The following EVI5 variants were observed in gnomAD, a reference collection of about 807,000 sequenced individuals.
EVI5 encodes the protein ecotropic viral integration site 5 protein homolog.
In EVI5, 73 loss-of-function variants were observed where a neutral mutation model predicts 112.0. The ratio of observed to expected loss-of-function variants is 0.65; its 90% confidence interval spans 0.54 to 0.79. The LOEUF (loss-of-function observed/expected upper bound fraction) is 0.79, where lower values mean the gene tolerates loss of function less well. Ranked by LOEUF, EVI5 falls within the 30% of genes least tolerant of loss-of-function variation. The pLI is 0.00. For missense variants in EVI5, 900 were observed against 968.8 expected, an observed-to-expected ratio of 0.93 and a Z score of 0.94; for synonymous variants, 305 against 319.9, an observed-to-expected ratio of 0.95 and a Z score of 0.50.
At chr1:92,523,743 A>G (rs1015628371) in intron 19 of EVI5, among the ~76,000 whole-genome samples, 1 of 152,074 alleles carries the variant, frequency 6.6e-6, no homozygotes, top group African/African-American at 2.4e-5. Flanking sequence ...TGTTAAGAGT[A>G]CCCTTCTGAC....
chr1:92,701,048 C>G (rs975714148), intron 5 of EVI5: 5 of 152,128 alleles, frequency 3.3e-5, no homozygotes, highest in Non-Finnish European at 7.4e-5. Context: ...GGGAGCACTT[C>G]TTATGTGTTC....
At chr1:92,525,799 T>A (rs192037100) in intron 19 of EVI5, among the ~76,000 whole-genome samples, 26 of 152,342 alleles carry the variant, frequency 1.7e-4, no homozygotes, top group African/African-American at 6.3e-4. Flanking sequence ...GGACCCAGGC[T>A]CTCATTAGAA....
At chr1:92,655,367 T>A (rs1662827165) in intron 13 of EVI5, among the ~76,000 whole-genome samples, 1 of 151,930 alleles carries the variant, frequency 6.6e-6, no homozygotes, top group Non-Finnish European at 1.5e-5. Flanking sequence ...CAACCATGAA[T>A]TTTTTATCCT....
intron 19 of EVI5, among the ~76,000 whole-genome samples, chr1:92,546,820 C>T (rs1665795955): frequency 6.6e-6 from 1 of 152,144 alleles, no homozygotes. Flanking sequence ...ACGTATCACC[C>T]AATACAGGAG....
intron 9 of EVI5, among the ~76,000 whole-genome samples, chr1:92,683,197 AT>A (rs1667894769): frequency 1.3e-5 from 2 of 151,162 alleles, no homozygotes; most frequent in African/African-American, 2.5e-5. Flanking sequence ...TAATTCAGAA[AT>A]TTTTTCTGAA....
At chr1:92,667,215 T>G (rs1167454538) in intron 10 of EVI5, among the ~76,000 whole-genome samples, 1 of 152,042 alleles carries the variant, frequency 6.6e-6, no homozygotes, top group Non-Finnish European at 1.5e-5. Flanking sequence ...GCCCTGGAAG[T>G]GGAGGTTGCA....
At chr1:92,659,481 C>T (rs1438003146) in intron 13 of EVI5, among the ~76,000 whole-genome samples, 1 of 151,950 alleles carries the variant, frequency 6.6e-6, no homozygotes, top group East Asian at 1.9e-4. Flanking sequence ...AAATGGCTAA[C>T]AAACATATGA....
intron 1 of EVI5, among the ~76,000 whole-genome samples, chr1:92,778,039 G>C (rs1684381681): frequency 6.6e-6 from 1 of 151,904 alleles, no homozygotes; most frequent in African/African-American, 2.4e-5. Flanking sequence ...CTCCTGAGTA[G>C]CTGGGACTAC....
intron 16 of EVI5, among the ~76,000 whole-genome samples, chr1:92,615,342 C>T (rs1652889019): frequency 6.6e-6 from 1 of 152,152 alleles, no homozygotes; most frequent in Non-Finnish European, 1.5e-5. Context: ...TACTACGCCT[C>T]AAATCTGCTA....
chr1:92,661,382 C>G (rs962246015), intron 13 of EVI5, among the ~76,000 whole-genome samples: 4 of 152,038 alleles, frequency 2.6e-5, no homozygotes, highest in Non-Finnish European at 5.9e-5. Context: ...CATTCTATCC[C>G]TTTGATATAC....
intron 19 of EVI5, among the ~76,000 whole-genome samples, chr1:92,543,473 C>T (rs901148626): frequency 1.3e-5 from 2 of 152,198 alleles, no homozygotes; most frequent in African/African-American, 2.4e-5. Context: ...ATCACTCAAA[C>T]TTTCTCCATA....
At chr1:92,735,710 T>C (rs1677277054) in intron 2 of EVI5, among the ~76,000 whole-genome samples, 1 of 141,762 alleles carries the variant, frequency 7.1e-6, no homozygotes, top group Non-Finnish European at 1.5e-5. Flanking sequence ...AAATATACAA[T>C]ATTATATTAT....
intron 10 of EVI5, among the ~76,000 whole-genome samples, chr1:92,669,559 A>AAAAAAAAAAAAAAAAAAAAAAAAAG (rs1665510373): frequency 6.6e-6 from 1 of 150,422 alleles, no homozygotes; most frequent in Non-Finnish European, 1.5e-5. Flanking sequence ...AAAAAAAAAA[A>AAAAAAAAAAAAAAAAAAAAAAAAAG]AATCACTGGG....
chr1:92,779,090 G>A (rs1358056769), intron 1 of EVI5, among the ~76,000 whole-genome samples: 1 of 152,008 alleles, frequency 6.6e-6, no homozygotes, highest in Non-Finnish European at 1.5e-5. Context: ...TACAAGTTCA[G>A]GACTTCCCAT....
chr1:92,726,714 A>T (rs1675622363), intron 2 of EVI5, among the ~76,000 whole-genome samples: 1 of 152,162 alleles, frequency 6.6e-6, no homozygotes, highest in Non-Finnish European at 1.5e-5. Context: ...CTGTTGAGTT[A>T]AAAAATAATG....
rs748430681 is a variant in EVI5 at position 92,588,576 on chromosome 1, G to A, written c.2070+16731C>T. On this transcript the variant is annotated intron_variant, in intron 18 of 19. Transcript: ENST00000684568. ...TCTTCTCATTCTCACATTTTTCTCC[G>A]TTGTCTTCCACTGTCTAAATTTCAC... Among the ~76,000 whole-genome samples, 11 of 151,944 alleles carry A rather than the reference G, an allele frequency of 7.2e-5. No individual in the cohort carries two copies. In the South Asian group the frequency reaches 1.5e-3, roughly 20 times the overall value.
intron 9 of EVI5, among the ~76,000 whole-genome samples, chr1:92,691,883 A>C (rs561088823): frequency 6.6e-6 from 1 of 152,230 alleles, no homozygotes; most frequent in Admixed American, 6.5e-5. Context: ...GGTGAGAGTT[A>C]CATATAGCAA....
Position 92,703,554 on chromosome 1 carries a change from T to G in EVI5, c.405A>C (p.Ala135=), listed in dbSNP as rs1369793351. 2.5e-6 allele frequency: 4 copies of G among 1,600,474 alleles called. No homozygotes were observed. In the East Asian group the frequency reaches 6.7e-5, roughly 27 times the overall value. The change falls in exon 4 of 20, where the codon GCA becomes GCC. Residue 135 remains alanine, a synonymous_variant. Transcript: ENST00000684568. ...RAIVWQLLCS[A]QSMPIKDQYS... ...ACTGATCCTTAATTGGCATACTTTG[T>G]GCACTGCATAAAAGTTGCCAAACTA... is the stretch of plus-strand genomic sequence containing the variant.
At chr1:92,547,550 G>A (rs1047698366) in intron 19 of EVI5, among the ~76,000 whole-genome samples, 3 of 152,122 alleles carry the variant, frequency 2.0e-5, no homozygotes, top group Admixed American at 1.3e-4. Flanking sequence ...AAAAATCAAT[G>A]AATCCAGGAG....
Sources: allele counts gnomAD v4.1 joint callset (sites outside exome capture counted in the v4.1 genomes callset), GRCh38; gene constraint gnomAD v4.1.1; transcripts MANE v1.5; gene names NCBI Gene and HGNC (gene_info 2026-07-23, HGNC 2026-07-21).